The following NAA11 variants were observed in gnomAD, a reference collection of about 807,000 sequenced individuals.
NAA11 encodes N-alpha-acetyltransferase 11.
NAA11 carries 15 observed loss-of-function variants against 16.1 expected under a neutral mutation model. The ratio of observed to expected loss-of-function variants is 0.93; its 90% CI spans 0.62 to 1.44. The LOEUF is 1.44. Ranked by LOEUF, NAA11 falls within the 40% of genes most tolerant of loss-of-function variation. NAA11 has a pLI of 0.00. For missense variants in NAA11, 298 were observed against 291.3 expected, an observed-to-expected ratio of 1.02 and a Z score of -0.17; for synonymous variants, 122 against 112.4, an observed-to-expected ratio of 1.09 and a Z score of -0.54.
At chr4:79,206,494 T>C in the NAA11 span, among the ~76,000 whole-genome samples, 1 of 152,142 alleles carries the variant, frequency 6.6e-6, no homozygotes, top group Non-Finnish European at 1.5e-5. Context: ...ATGTACTTTA[T>C]GTTCTTAGCG....
At chr4:79,157,586 C>T in the NAA11 span, among the ~76,000 whole-genome samples, 12,990 of 151,010 alleles carry the variant, frequency 0.086, 1,876 homozygotes, top group African/African-American at 0.3. Context: ...TACATATATA[C>T]GTGTGTGTGT....
the NAA11 span, among the ~76,000 whole-genome samples, chr4:79,214,074 C>G: frequency 6.6e-6 from 1 of 152,192 alleles, no homozygotes; most frequent in Admixed American, 6.5e-5. Context: ...CACCACAACA[C>G]AGGAATTGAC....
chr4:79,185,207 A>G, the NAA11 span, among the ~76,000 whole-genome samples: 1 of 152,122 alleles, frequency 6.6e-6, no homozygotes, highest in Non-Finnish European at 1.5e-5. Flanking sequence ...ATGGGCCATT[A>G]TGTTTGATAA....
intron 2 of NAA11, among the ~76,000 whole-genome samples, chr4:79,266,333 G>A (rs1333591459): frequency 1.3e-5 from 2 of 152,134 alleles, no homozygotes; most frequent in African/African-American, 4.8e-5. Flanking sequence ...GCAACCTGAT[G>A]TGCACTCTCC....
the NAA11 span, among the ~76,000 whole-genome samples, chr4:79,176,387 T>C: frequency 6.6e-6 from 1 of 152,140 alleles, no homozygotes; most frequent in African/African-American, 2.4e-5. Flanking sequence ...TTTTAAGGAA[T>C]TGGCTCATGT....
At chr4:79,287,409 A>G (rs1722966173) in intron 2 of NAA11, among the ~76,000 whole-genome samples, 1 of 152,134 alleles carries the variant, frequency 6.6e-6, no homozygotes, top group Admixed American at 6.6e-5. Context: ...GAGCAATTTT[A>G]AGCCAATCAT....
chr4:79,206,570 AT>A, the NAA11 span, among the ~76,000 whole-genome samples: 1 of 152,132 alleles, frequency 6.6e-6, no homozygotes, highest in Non-Finnish European at 1.5e-5. Context: ...ATTAGGTCAT[AT>A]CCTGTGCCTC....
chr4:79,289,180 G>C (rs1723020535), intron 2 of NAA11, among the ~76,000 whole-genome samples: 1 of 152,142 alleles, frequency 6.6e-6, no homozygotes, highest in South Asian at 2.1e-4. Flanking sequence ...CTCCAGAAAG[G>C]TGTCTCAGTT....
At chr4:79,239,821 A>C (rs183486320) in intron 2 of NAA11, among the ~76,000 whole-genome samples, 1 of 152,192 alleles carries the variant, frequency 6.6e-6, no homozygotes, top group South Asian at 2.1e-4. Context: ...ATAAGATGAC[A>C]TGTTCTCTAG....
chr4:79,223,315 A>G (rs1010795626), downstream of NAA11, among the ~76,000 whole-genome samples: 1 of 149,338 alleles, frequency 6.7e-6, no homozygotes, highest in African/African-American at 2.5e-5. Flanking sequence ...CTATGCAGCC[A>G]TAAAAAATGA....
chr4:79,172,804 C>T, the NAA11 span, among the ~76,000 whole-genome samples: 5 of 152,114 alleles, frequency 3.3e-5, no homozygotes, highest in Non-Finnish European at 5.9e-5. Context: ...TGGGCAGTTA[C>T]ATAACAATCA....
At chr4:79,204,437 C>T in the NAA11 span, among the ~76,000 whole-genome samples, 2 of 151,858 alleles carry the variant, frequency 1.3e-5, no homozygotes, top group South Asian at 2.1e-4. Context: ...AACGTATGGA[C>T]TGAATTGTGT....
At chr4:79,157,190 G>A in the NAA11 span, among the ~76,000 whole-genome samples, 1 of 151,916 alleles carries the variant, frequency 6.6e-6, no homozygotes, top group Non-Finnish European at 1.5e-5. Flanking sequence ...GTGAGATTTT[G>A]TTGCACCCAT....
At chr4:79,172,163 T>C in the NAA11 span, among the ~76,000 whole-genome samples, 9 of 152,250 alleles carry the variant, frequency 5.9e-5, no homozygotes, top group African/African-American at 2.2e-4. Flanking sequence ...GTGATTTTTA[T>C]CACTTATACG....
At chr4:79,175,118 T>C in the NAA11 span, among the ~76,000 whole-genome samples, 3 of 152,078 alleles carry the variant, frequency 2.0e-5, no homozygotes, top group Admixed American at 6.6e-5. Flanking sequence ...TCTAAAGTTC[T>C]TGACTGTGGT....
rs1578163226 is a variant in NAA11 at position 79,251,375 on chromosome 4, C to G, written c.*123-25105G>C. Among the ~76,000 whole-genome samples the G allele has an allele frequency of 2.0e-5, 3 of 152,152 alleles. No homozygotes were observed. In the South Asian group the frequency reaches 6.2e-4, roughly 31 times the overall value. On this transcript the variant is annotated intron_variant and NMD_transcript_variant, in intron 2 of 2. Coordinates refer to the NAA11 transcript ENST00000511542. ...TAGCCCAAGCAAACTAACACAGGAA[C>G]AGAAAACCAAATATCTCATGTTCTC...
At chr4:79,283,923 T>C (rs933065987) in intron 2 of NAA11, among the ~76,000 whole-genome samples, 23 of 152,130 alleles carry the variant, frequency 1.5e-4, no homozygotes, top group African/African-American at 5.6e-4. Context: ...ATTTTTTCCT[T>C]ACCTATCCAT....
chr4:79,251,692 C>T (rs1013254788), intron 2 of NAA11, among the ~76,000 whole-genome samples: 1 of 151,912 alleles, frequency 6.6e-6, no homozygotes, highest in African/African-American at 2.4e-5. Context: ...TAATAAATGA[C>T]CTGGCCAATT....
intron 2 of NAA11, among the ~76,000 whole-genome samples, chr4:79,262,524 A>C (rs1366390155): frequency 6.6e-6 from 1 of 152,082 alleles, no homozygotes; most frequent in African/African-American, 2.4e-5. Context: ...GGAATAGGGA[A>C]ATTTGTGAGA....
Sources: gnomAD v4.1 joint callset for allele counts (sites outside exome capture counted in the v4.1 genomes callset) on GRCh38, gnomAD v4.1.1 for gene constraint, MANE v1.5 for transcripts, NCBI Gene and HGNC (gene_info 2026-07-23, HGNC 2026-07-21) for gene names.